Variants in EPHB2 observed in about 807,000 individuals in gnomAD.
EPHB2 encodes ephrin type-B receptor 2.
Under a neutral mutation model 96.4 loss-of-function variants are expected in EPHB2, and 18 were observed. That is an observed-to-expected ratio of 0.19 (90% CI 0.13 to 0.28). The LOEUF (loss-of-function observed/expected upper bound fraction) is 0.28. Among genes scored for constraint, EPHB2 ranks in the 10% least tolerant of loss-of-function variants. The pLI is 1.00. For synonymous variants in EPHB2, 506 were observed against 534.1 expected (o/e 0.95, Z 0.72); for missense variants, 989 against 1,355.4 (o/e 0.73, Z 4.25).
intron 1 of EPHB2, among the ~76,000 whole-genome samples, chr1:22,711,283 G>C (rs1311988735): frequency 6.8e-6 from 1 of 147,634 alleles, no homozygotes; most frequent in Non-Finnish European, 1.5e-5. Flanking sequence ...TCTTGCCGAG[G>C]CTTTGTAGCC....
chr1:22,717,248 G>A (rs1344019419), intron 1 of EPHB2, among the ~76,000 whole-genome samples: 1 of 140,788 alleles, frequency 7.1e-6, no homozygotes, highest in Non-Finnish European at 1.5e-5. Flanking sequence ...TGGGGCAGCA[G>A]GCCAGGCAGT....
At chr1:22,842,769 C>A (rs1645488278) in intron 3 of EPHB2, among the ~76,000 whole-genome samples, 1 of 152,096 alleles carries the variant, frequency 6.6e-6, no homozygotes. Flanking sequence ...CTTATTCATT[C>A]CCTCTGAGGA....
At chr1:22,883,966 C>T (rs1047017825) in intron 6 of EPHB2, among the ~76,000 whole-genome samples, 1 of 152,114 alleles carries the variant, frequency 6.6e-6, no homozygotes, top group Non-Finnish European at 1.5e-5. Flanking sequence ...TTCATGCCTG[C>T]CGTCCCCCCA....
At chr1:22,762,199 C>T (rs1644244860) in intron 1 of EPHB2, among the ~76,000 whole-genome samples, 1 of 152,172 alleles carries the variant, frequency 6.6e-6, no homozygotes. Context: ...TCCCTGATGG[C>T]ACCAGGGGCT....
intron 3 of EPHB2, among the ~76,000 whole-genome samples, chr1:22,797,153 C>T (rs150521335): frequency 6.0e-4 from 92 of 152,302 alleles, no homozygotes; most frequent in African/African-American, 1.6e-3. Flanking sequence ...GGGACTGGAA[C>T]GGGGGTCACC....
intron 3 of EPHB2, among the ~76,000 whole-genome samples, chr1:22,837,870 G>A (rs1372960122): frequency 2.0e-5 from 3 of 152,142 alleles, no homozygotes; most frequent in Non-Finnish European, 4.4e-5. Context: ...GATGCCTGTC[G>A]TCCAGCTGGT....
intron 1 of EPHB2, among the ~76,000 whole-genome samples, chr1:22,721,451 G>A (rs192768149): frequency 3.3e-4 from 50 of 152,244 alleles, no homozygotes; most frequent in Admixed American, 2.2e-3. Context: ...GCTGGCCTGC[G>A]TTGTGAATGA....
At chr1:22,836,321 G>A (rs938643815) in intron 3 of EPHB2, among the ~76,000 whole-genome samples, 1 of 152,240 alleles carries the variant, frequency 6.6e-6, no homozygotes, top group Admixed American at 6.5e-5. Flanking sequence ...GCACAAAGAT[G>A]AACCAGACAA....
At chr1:22,779,659 G>A (rs1644501146) in intron 1 of EPHB2, among the ~76,000 whole-genome samples, 1 of 152,194 alleles carries the variant, frequency 6.6e-6, no homozygotes, top group South Asian at 2.1e-4. Context: ...AGGCTAGGAG[G>A]CAAGACACCT....
At chr1:22,741,556 GT>G (rs1194734231) in intron 1 of EPHB2, among the ~76,000 whole-genome samples, 1 of 151,988 alleles carries the variant, frequency 6.6e-6, no homozygotes, top group Non-Finnish European at 1.5e-5. Flanking sequence ...ACTTAAATAT[GT>G]GTCGAGTGAG....
chr1:22,763,611 G>A (rs544617567), intron 1 of EPHB2, among the ~76,000 whole-genome samples: 7 of 152,178 alleles, frequency 4.6e-5, no homozygotes, highest in Non-Finnish European at 8.8e-5. Context: ...TGGGGTTCAT[G>A]GATCCAGCCA....
intron 3 of EPHB2, among the ~76,000 whole-genome samples, chr1:22,817,555 C>T (rs747093409): frequency 1.3e-5 from 2 of 152,214 alleles, no homozygotes; most frequent in Admixed American, 6.5e-5. Flanking sequence ...CTCCAGCCCC[C>T]GGTGTGCTTT....
At chr1:22,911,143 A>AAAT (rs1640087330) in intron 14 of EPHB2, among the ~76,000 whole-genome samples, 169 of 133,816 alleles carry the variant, frequency 1.3e-3, no homozygotes, top group African/African-American at 4.8e-3. Flanking sequence ...TCCATCTAAA[A>AAAT]AAATAAATAA....
In EPHB2 at chr1:22,831,329, G is replaced by A. The variant is rs543253409; in HGVS notation, c.812-31708G>A. Among the ~76,000 whole-genome samples, 7 of 152,262 alleles carry A rather than the reference G, an allele frequency of 4.6e-5. No individual in the cohort carries two copies. The East Asian group carries it at 9.7e-4, about 21-fold the overall frequency. On this transcript the variant is annotated intron_variant, in intron 3 of 15. Coordinates refer to ENST00000374630, the MANE Select transcript of EPHB2 (RefSeq NM_017449.5). Reference sequence around the variant, plus strand: ...CCAGATACAAACCCAGAACTGGGATGGGGAGTGGCTGCCCCTTGCTACCTC... The same window carrying A: ...CCAGATACAAACCCAGAACTGGGATAGGGAGTGGCTGCCCCTTGCTACCTC...
intron 1 of EPHB2, among the ~76,000 whole-genome samples, chr1:22,719,920 G>A (rs1157136663): frequency 1.3e-5 from 2 of 152,202 alleles, no homozygotes; most frequent in African/African-American, 4.8e-5. Flanking sequence ...TGATTCAGTG[G>A]ATTGGCTGGG....
At chr1:22,821,870 G>A (rs900480004) in intron 3 of EPHB2, among the ~76,000 whole-genome samples, 1 of 152,166 alleles carries the variant, frequency 6.6e-6, no homozygotes, top group African/African-American at 2.4e-5. Flanking sequence ...GAAGCTAGGG[G>A]TGGTTTTTGC....
intron 1 of EPHB2, among the ~76,000 whole-genome samples, chr1:22,729,326 T>C (rs974839442): frequency 2.6e-5 from 4 of 152,224 alleles, no homozygotes; most frequent in Non-Finnish European, 4.4e-5. Flanking sequence ...CCTGACACCC[T>C]GGCCCATAGC....
At chr1:22,781,559 C>T (rs1644533364) in intron 2 of EPHB2, 74 bp downstream of exon 2, 9 of 1,475,422 alleles carry the variant, frequency 6.1e-6, no homozygotes, top group Non-Finnish European at 8.5e-6. Context: ...CCGAATGCCC[C>T]CTCATATTCT....
intron 3 of EPHB2, among the ~76,000 whole-genome samples, chr1:22,811,763 G>A (rs1645005286): frequency 6.6e-6 from 1 of 152,252 alleles, no homozygotes; most frequent in Admixed American, 6.5e-5. Flanking sequence ...CCTTGGCCGG[G>A]GGCAGTGGCT....
Sources: allele counts gnomAD v4.1 joint callset (sites outside exome capture counted in the v4.1 genomes callset), GRCh38; gene constraint gnomAD v4.1.1; transcripts MANE v1.5; gene names NCBI Gene and HGNC (gene_info 2026-07-23, HGNC 2026-07-21).